RBFOX1: variants seen among roughly 807,000 people sequenced by gnomAD.
The protein encoded by RBFOX1 is RNA binding protein fox-1 homolog 1.
In RBFOX1, 8 loss-of-function variants were observed where a neutral mutation model predicts 57.7. The ratio of observed to expected loss-of-function variants is 0.14; its 90% CI spans 0.08 to 0.25. The LOEUF (loss-of-function observed/expected upper bound fraction) is 0.25. Among genes scored for constraint, RBFOX1 ranks in the 10% least tolerant of loss-of-function variants. The pLI is 1.00. For synonymous variants in RBFOX1, 326 were observed against 222.4 expected (o/e 1.47, Z -4.15); for missense variants, 611 against 548.5 (o/e 1.11, Z -1.14).
chr16:7,413,817 G>A (rs2098453502), intron 4 of RBFOX1, among the ~76,000 whole-genome samples: 1 of 152,068 alleles, frequency 6.6e-6, no homozygotes, highest in African/African-American at 2.4e-5. Context: ...CTCTCATGAA[G>A]CCCATGAACT....
chr16:7,089,420 T>G (rs569978872), intron 4 of RBFOX1, among the ~76,000 whole-genome samples: 1 of 152,184 alleles, frequency 6.6e-6, no homozygotes, highest in Non-Finnish European at 1.5e-5. Context: ...AAAAAAGTAG[T>G]CACGTGGGAT....
At chr16:6,077,277 C>T (rs370464539) in intron 1 of RBFOX1, among the ~76,000 whole-genome samples, 2 of 151,800 alleles carry the variant, frequency 1.3e-5, no homozygotes, top group African/African-American at 2.4e-5. Flanking sequence ...GGCAGCTTGG[C>T]CAGGTAGGAG....
chr16:7,028,334 C>T (rs1172839663), intron 3 of RBFOX1, among the ~76,000 whole-genome samples: 1 of 152,014 alleles, frequency 6.6e-6, no homozygotes, highest in African/African-American at 2.4e-5. Flanking sequence ...AATTGCTCTG[C>T]CTGGGCTCAG....
intron 2 of RBFOX1, among the ~76,000 whole-genome samples, chr16:6,480,659 C>T (rs751218804): frequency 5.9e-5 from 9 of 152,112 alleles, no homozygotes; most frequent in Non-Finnish European, 1.2e-4. Context: ...TATATATCTA[C>T]GGAAAACCTA....
chr16:5,779,861 A>G (rs1239645986), intron 3 of RBFOX1, among the ~76,000 whole-genome samples: 1 of 152,156 alleles, frequency 6.6e-6, no homozygotes, highest in East Asian at 1.9e-4. Flanking sequence ...TTACCTTTAT[A>G]ATCTGCCTGA....
intron 4 of RBFOX1, among the ~76,000 whole-genome samples, chr16:7,257,719 G>A (rs562613114): frequency 6.6e-6 from 1 of 152,156 alleles, no homozygotes; most frequent in East Asian, 1.9e-4. Context: ...CCCTTGCTCT[G>A]TTCTGCATAG....
chr16:7,533,452 C>G (rs2080651017), intron 5 of RBFOX1, among the ~76,000 whole-genome samples: 1 of 152,198 alleles, frequency 6.6e-6, no homozygotes, highest in South Asian at 2.1e-4. Context: ...ACCTATGTCA[C>G]TGCAGATGCT....
chr16:7,365,712 C>G (rs1157791492), intron 4 of RBFOX1, among the ~76,000 whole-genome samples: 1 of 152,186 alleles, frequency 6.6e-6, no homozygotes, highest in South Asian at 2.1e-4. Flanking sequence ...TTATAGCACC[C>G]AAAATATCAA....
At chr16:5,505,893 C>A (rs949861076) in intron 2 of RBFOX1, among the ~76,000 whole-genome samples, 1 of 152,128 alleles carries the variant, frequency 6.6e-6, no homozygotes, top group Non-Finnish European at 1.5e-5. Flanking sequence ...TACCAGCAAA[C>A]AGAGCCCACT....
intron 4 of RBFOX1, among the ~76,000 whole-genome samples, chr16:7,373,748 G>A (rs1323441557): frequency 6.6e-6 from 1 of 152,148 alleles, no homozygotes; most frequent in Non-Finnish European, 1.5e-5. Flanking sequence ...CCAGCTCTTT[G>A]CGCTGATATT....
At chr16:5,591,314 T>C (rs9921300) in intron 2 of RBFOX1, among the ~76,000 whole-genome samples, 30,638 of 150,992 alleles carry the variant, frequency 0.2, 3,497 homozygotes, top group East Asian at 0.32. Flanking sequence ...TGCCATGGCA[T>C]GATTTCAGCT....
At chr16:6,751,535 AG>A (rs1409697553) in intron 3 of RBFOX1, among the ~76,000 whole-genome samples, 4 of 152,166 alleles carry the variant, frequency 2.6e-5, no homozygotes, top group Admixed American at 2.6e-4. Flanking sequence ...TGGAGTCACT[AG>A]TTGGATAAAG....
intron 3 of RBFOX1, among the ~76,000 whole-genome samples, chr16:6,730,494 C>A (rs942699076): frequency 5.9e-5 from 9 of 152,160 alleles, no homozygotes; most frequent in Non-Finnish European, 1.0e-4. Flanking sequence ...ACTGTCTAAT[C>A]TATCTATCCA....
At chr16:7,046,961 A>T (rs892313560) in intron 3 of RBFOX1, among the ~76,000 whole-genome samples, 1 of 151,294 alleles carries the variant, frequency 6.6e-6, no homozygotes, top group African/African-American at 2.4e-5. Flanking sequence ...CTCTTCATGC[A>T]CTTCCCTCCC....
chr16:7,041,846 A>G (rs2046284404), intron 3 of RBFOX1, among the ~76,000 whole-genome samples: 1 of 152,192 alleles, frequency 6.6e-6, no homozygotes, highest in South Asian at 2.1e-4. Flanking sequence ...TAAATGTGTT[A>G]AGTGCTTTGC....
chr16:5,326,095 A>C (rs2064561871), intron 1 of RBFOX1, among the ~76,000 whole-genome samples: 1 of 152,212 alleles, frequency 6.6e-6, no homozygotes, highest in African/African-American at 2.4e-5. Flanking sequence ...TGAGAGTTCC[A>C]GTTGCTCCAC....
chr16:6,456,234 G>A (rs1306026211), intron 2 of RBFOX1, among the ~76,000 whole-genome samples: 2 of 152,108 alleles, frequency 1.3e-5, no homozygotes, highest in Non-Finnish European at 2.9e-5. Flanking sequence ...AAAGAGAATT[G>A]TGTATTTTTA....
At chr16:6,556,155 C>A (rs944224637) in intron 2 of RBFOX1, among the ~76,000 whole-genome samples, 18 of 152,082 alleles carry the variant, frequency 1.2e-4, no homozygotes, top group Non-Finnish European at 2.2e-4. Flanking sequence ...CAGTAATAAA[C>A]CCTGTCTTTA....
intron 2 of RBFOX1, among the ~76,000 whole-genome samples, chr16:6,440,554 C>T (rs1374778065): frequency 6.6e-6 from 1 of 152,084 alleles, no homozygotes; most frequent in Non-Finnish European, 1.5e-5. Context: ...GTAATCCCAG[C>T]AATCTGGGAG....
Sources: gnomAD v4.1 joint callset for allele counts (sites outside exome capture counted in the v4.1 genomes callset) on GRCh38, gnomAD v4.1.1 for gene constraint, MANE v1.5 for transcripts, NCBI Gene and HGNC (gene_info 2026-07-23, HGNC 2026-07-21) for gene names.